KLHL2: variants seen among roughly 807,000 people sequenced by gnomAD.
KLHL2 encodes the protein kelch-like protein 2.
A neutral mutation model predicts 75.8 loss-of-function variants in KLHL2; 15 were observed. The observed-to-expected ratio is 0.20, with a 90% CI of 0.13 to 0.30. KLHL2 has a LOEUF of 0.30. KLHL2 is among the 10% of genes least tolerant of loss of function. The pLI, the probability that KLHL2 is intolerant of heterozygous loss-of-function variation, is 1.00. For missense variants in KLHL2, 381 were observed against 741.0 expected (o/e 0.51, Z 5.64); for synonymous variants, 214 against 251.9 (o/e 0.85, Z 1.42).
At chr4:165,254,232 ATTGT>A (rs1299723850) in intron 4 of KLHL2, among the ~76,000 whole-genome samples, 1 of 152,186 alleles carries the variant, frequency 6.6e-6, no homozygotes, top group Non-Finnish European at 1.5e-5. Context: ...TTATAATAGG[ATTGT>A]TTGTTATAGC....
chr4:165,296,357 G>C (rs981216513), intron 6 of KLHL2, among the ~76,000 whole-genome samples: 1 of 152,304 alleles, frequency 6.6e-6, no homozygotes, highest in Admixed American at 6.5e-5. Context: ...GTGGTTTCAA[G>C]TAGCCAGACT....
At chr4:165,222,631 T>A (rs1408230183) in intron 2 of KLHL2, among the ~76,000 whole-genome samples, 3 of 152,212 alleles carry the variant, frequency 2.0e-5, no homozygotes, top group Admixed American at 6.5e-5. Flanking sequence ...CAGACCTTTT[T>A]AAAAATGTCA....
chr4:165,306,298 A>G (rs1260194631), intron 9 of KLHL2, among the ~76,000 whole-genome samples: 3 of 152,250 alleles, frequency 2.0e-5, no homozygotes, highest in Admixed American at 2.0e-4. Flanking sequence ...TTAACAATAC[A>G]TCTTGGAGAT....
chr4:165,254,458 G>A (rs1373043446), intron 4 of KLHL2, among the ~76,000 whole-genome samples: 1 of 152,208 alleles, frequency 6.6e-6, no homozygotes. Flanking sequence ...TTTTCTCAAG[G>A]TAGATTTTCA....
chr4:165,291,673 T>TG (rs1227589311), intron 5 of KLHL2, among the ~76,000 whole-genome samples: 2 of 152,192 alleles, frequency 1.3e-5, no homozygotes, highest in African/African-American at 4.8e-5. Flanking sequence ...TCTATTCTGT[T>TG]GTGTCGACCT....
chr4:165,245,024 A>G (rs1266903591), intron 4 of KLHL2, among the ~76,000 whole-genome samples: 3 of 152,190 alleles, frequency 2.0e-5, no homozygotes, highest in African/African-American at 7.2e-5. Context: ...CCTGCCCAAC[A>G]TGGTGAAACC....
chr4:165,294,777 GA>G (rs1256294367), intron 6 of KLHL2, among the ~76,000 whole-genome samples: 1 of 152,252 alleles, frequency 6.6e-6, no homozygotes, highest in East Asian at 1.9e-4. Context: ...TAGACTATCT[GA>G]AACAAATGCT....
intron 5 of KLHL2, chr4:165,278,254 C>T (rs754288069): frequency 1.8e-6 from 2 of 1,104,804 alleles, no homozygotes; most frequent in Non-Finnish European, 2.8e-6. Context: ...CTTCTGCAGC[C>T]CCTGCCGCCA....
chr4:165,216,206 T>A (rs1737530444), intron 1 of KLHL2, among the ~76,000 whole-genome samples: 1 of 152,168 alleles, frequency 6.6e-6, no homozygotes, highest in Non-Finnish European at 1.5e-5. Flanking sequence ...AATAGTGTAT[T>A]CTTAGGCAGA....
chr4:165,307,012 T>A (rs548611250), intron 9 of KLHL2, among the ~76,000 whole-genome samples: 11 of 152,294 alleles, frequency 7.2e-5, no homozygotes, highest in African/African-American at 2.2e-4. Context: ...ACATATTTTT[T>A]AAAAACTTTA....
intron 1 of KLHL2, among the ~76,000 whole-genome samples, chr4:165,212,149 A>G (rs1157003928): frequency 6.6e-6 from 1 of 152,126 alleles, no homozygotes; most frequent in African/African-American, 2.4e-5. Context: ...TTGAGTGCCT[A>G]CTATGGCCAG....
intron 8 of KLHL2, 33 bp downstream of exon 8, chr4:165,299,689 C>T: frequency 1.3e-6 from 2 of 1,548,986 alleles, no homozygotes; most frequent in Non-Finnish European, 1.7e-6. Flanking sequence ...GTTATTACCT[C>T]ATGCAAAAGG....
intron 5 of KLHL2, among the ~76,000 whole-genome samples, chr4:165,267,374 A>G (rs1441197802): frequency 2.6e-5 from 4 of 152,200 alleles, no homozygotes; most frequent in African/African-American, 9.6e-5. Context: ...GAGAGAGGGC[A>G]TCCTTGTCCT....
chr4:165,211,858 C>T (rs1737220582), intron 1 of KLHL2, among the ~76,000 whole-genome samples: 1 of 152,082 alleles, frequency 6.6e-6, no homozygotes, highest in Non-Finnish European at 1.5e-5. Flanking sequence ...TGCAAAATGC[C>T]CCAAACCTTT....
chr4:165,213,601 A>G (rs1353475401), intron 1 of KLHL2, among the ~76,000 whole-genome samples: 1 of 152,152 alleles, frequency 6.6e-6, no homozygotes, highest in Non-Finnish European at 1.5e-5. Context: ...CACTGCACCT[A>G]TGTACTGACT....
chr4:165,314,800 C>A (rs1746475715), intron 13 of KLHL2, among the ~76,000 whole-genome samples: 1 of 152,094 alleles, frequency 6.6e-6, no homozygotes, highest in Admixed American at 6.6e-5. Context: ...AAAATAGACT[C>A]AAGATAGCTA....
intron 4 of KLHL2, among the ~76,000 whole-genome samples, chr4:165,257,992 G>T (rs1187895501): frequency 6.6e-6 from 1 of 151,952 alleles, no homozygotes; most frequent in Admixed American, 6.6e-5. Context: ...GATTTTAGAT[G>T]GCACACAGAT....
intron 5 of KLHL2, among the ~76,000 whole-genome samples, chr4:165,272,387 A>G (rs1742765182): frequency 6.6e-6 from 1 of 152,144 alleles, no homozygotes; most frequent in African/African-American, 2.4e-5. Flanking sequence ...CTAAGTAGAA[A>G]ATATTACTTC....
chr4:165,287,294 T>C (rs1744165452), intron 5 of KLHL2, among the ~76,000 whole-genome samples: 1 of 152,242 alleles, frequency 6.6e-6, no homozygotes, highest in Non-Finnish European at 1.5e-5. Flanking sequence ...AGCATAATGT[T>C]CTCAAGCTTC....
Sources: gnomAD v4.1 joint callset for allele counts (sites outside exome capture counted in the v4.1 genomes callset) on GRCh38, gnomAD v4.1.1 for gene constraint, MANE v1.5 for transcripts, NCBI Gene and HGNC (gene_info 2026-07-23, HGNC 2026-07-21) for gene names.